The following IGFBP5 variants were observed in gnomAD, a reference collection of about 807,000 sequenced individuals.
IGFBP5 encodes the protein insulin-like growth factor-binding protein 5.
A neutral mutation model predicts 28.0 loss-of-function variants in IGFBP5; 12 were observed. That is an observed-to-expected ratio of 0.43 (90% CI 0.27 to 0.69). The LOEUF is 0.69. Among genes scored for constraint, IGFBP5 ranks in the 30% least tolerant of loss-of-function variants. IGFBP5 has a pLI of 0.20. For synonymous variants in IGFBP5, 152 were observed against 150.2 expected (o/e 1.01, Z -0.09); for missense variants, 344 against 381.6 (o/e 0.90, Z 0.82).
rs572606252 is a variant in IGFBP5, at chr2:216,692,611, C to T, written c.337+1828G>A. Among the ~76,000 whole-genome samples the T allele has an allele frequency of 6.6e-6, 1 of 152,268 alleles. No individual in the cohort carries two copies. The highest frequency in any genetic ancestry group is 1.9e-4 in the East Asian group (1 of 5,166). ...GGAAATCAATTAATGTTTTCCTTCT[C>T]CGCTAGGCTTTTCCAAATCCACATC... On this transcript the variant is annotated intron_variant, in intron 1 of 3. Coordinates refer to ENST00000233813, the MANE Select transcript of IGFBP5 (RefSeq NM_000599.4). This position sits in a 1 kb window ranked among gnomAD's most constrained non-coding sequence, Gnocchi z 4.2.
intron 1 of IGFBP5, among the ~76,000 whole-genome samples, chr2:216,690,910 GT>G (rs1215170189): frequency 2.2e-4 from 29 of 131,496 alleles, no homozygotes; most frequent in African/African-American, 8.0e-4. Flanking sequence ...GGCGGGGGCG[GT>G]GGGCGGAGGT....
chr2:216,678,801 A>T (rs779755410), intron 2 of IGFBP5, 49 bp downstream of exon 2: 48 of 1,485,342 alleles, frequency 3.2e-5, no homozygotes, highest in Non-Finnish European at 4.0e-5. Flanking sequence ...ATTTAGATGC[A>T]GGAAAAGGTC....
rs1688946363 is a variant in IGFBP5, at chr2:216,679,642, C to G, written c.338-563G>C. 6.6e-6 allele frequency among the ~76,000 whole-genome samples: 1 copy of G among 151,986 alleles called. No homozygotes were observed. On this transcript the variant is annotated intron_variant, in intron 1 of 3. Transcript: ENST00000233813. The surrounding 1 kb of genome is among the most constrained non-coding windows in gnomAD (Gnocchi z 4.6). ...TTGAGGTCTCTTTGGACCTGGGGAA[C>G]CTAGGAGGAGGGGGTCCTGGGGTCT...
rs186956983 is a variant in IGFBP5 at position 216,692,890 on chromosome 2, C to G, written c.337+1549G>C. On this transcript the variant is annotated intron_variant, in intron 1 of 3. Coordinates refer to ENST00000233813, the MANE Select transcript of IGFBP5 (RefSeq NM_000599.4). This position sits in a 1 kb window ranked among gnomAD's most constrained non-coding sequence, Gnocchi z 4.2. ...GGACTGAGGCTGAACACAGGAAGCT[C>G]TCCGGCCTCCTGGCAAGCGCGGACG... 1.5e-3 allele frequency among the ~76,000 whole-genome samples: 232 copies of G among 152,220 alleles called. No individual in the cohort carries two copies. Among genetic ancestry groups the G allele is most frequent in the African/African-American group, 5.1e-3 (212 of 41,546 alleles).
chr2:216,680,136 G>A (rs1316941689), intron 1 of IGFBP5, among the ~76,000 whole-genome samples: 4 of 152,112 alleles, frequency 2.6e-5, no homozygotes, highest in East Asian at 1.9e-4. Flanking sequence ...GTTTCCAGGC[G>A]GGCAGCGTGT....
At position 216,679,129 on chromosome 2, in the gene IGFBP5, C is replaced by A. The variant is rs78857496; in HGVS notation, c.338-50G>T. On this transcript the variant is annotated intron_variant, in intron 1 of 3. Transcript: ENST00000233813. This position sits in a 1 kb window ranked among gnomAD's most constrained non-coding sequence, Gnocchi z 4.6. ...CAGCCCCCGTGGGCCAAGGTGCACA[C>A]GGCCAGAGCCCAGGGCTGGGCAGTT... 4.7e-6 allele frequency: 7 copies of A among 1,500,178 alleles called. No individual in the cohort carries two copies. Among genetic ancestry groups the A allele is most frequent in the African/African-American group, 1.4e-5 (1 of 72,632 alleles). 92.9% of individuals were successfully genotyped at this position (1,500,178 alleles called of 1,614,324 possible). A position where few individuals can be genotyped will look rare whatever the true frequency, so the allele number is the denominator to read the frequency against.
At chr2:216,683,164 C>T (rs1688997815) in intron 1 of IGFBP5, among the ~76,000 whole-genome samples, 1 of 152,032 alleles carries the variant, frequency 6.6e-6, no homozygotes, top group African/African-American at 2.4e-5. Context: ...ACAAAAAAAA[C>T]ACAAAAATTA....
chr2:216,676,625 A>T lies in IGFBP5; in HGVS notation c.*126T>A. 1 of 599,906 alleles carries T rather than the reference A, an allele frequency of 1.7e-6. No individual in the cohort carries two copies. Among genetic ancestry groups the T allele is most frequent in the Non-Finnish European group, 2.9e-6 (1 of 348,364 alleles). 37.2% of individuals were successfully genotyped at this position (599,906 alleles called of 1,614,324 possible). On this transcript the variant is annotated 3_prime_UTR_variant, in exon 4 of 4. Coordinates refer to ENST00000233813, the MANE Select transcript of IGFBP5 (RefSeq NM_000599.4). ...ATTCCGAGGTCCTCAGTTTCCTCAA[A>T]TAGATAGATATATATTTTTCCCTTA...
chr2:216,690,670 T>G (rs1347591510), intron 1 of IGFBP5, among the ~76,000 whole-genome samples: 3 of 117,214 alleles, frequency 2.6e-5, no homozygotes, highest in African/African-American at 1.0e-4. Context: ...CGGGACTAAC[T>G]CACAGCTGCT....
Position 216,679,125 on chromosome 2 carries a change from C to T in IGFBP5, c.338-46G>A. The T allele has an allele frequency of 6.5e-7, 1 of 1,539,682 alleles. No homozygotes were observed. The highest frequency in any genetic ancestry group is 9.0e-7 in the Non-Finnish European group (1 of 1,113,528). ...GGGTCAGCCCCCGTGGGCCAAGGTG[C>T]ACACGGCCAGAGCCCAGGGCTGGGC... On this transcript the variant is annotated intron_variant, in intron 1 of 3. Transcript: ENST00000233813. The surrounding 1 kb of genome is among the most constrained non-coding windows in gnomAD (Gnocchi z 4.6).
chr2:216,682,326 G>A (rs10193497), intron 1 of IGFBP5, among the ~76,000 whole-genome samples: 1 of 152,208 alleles, frequency 6.6e-6, no homozygotes, highest in Non-Finnish European at 1.5e-5. Flanking sequence ...GCAGAGCCAT[G>A]GAGATTAAAG....
chr2:216,687,365 A>C (rs1689044166), intron 1 of IGFBP5, among the ~76,000 whole-genome samples: 1 of 152,156 alleles, frequency 6.6e-6, no homozygotes, highest in African/African-American at 2.4e-5. Flanking sequence ...ACCGCCCTCC[A>C]CAGTGTAGAT....
At position 216,676,654 on chromosome 2, in the gene IGFBP5, G is replaced by T; in HGVS notation, c.*97C>A. On this transcript the variant is annotated 3_prime_UTR_variant, in exon 4 of 4. Coordinates refer to ENST00000233813, the MANE Select transcript of IGFBP5 (RefSeq NM_000599.4). ...ATAGATATATATTTTTCCCTTAAATGAGATGAAATGAGTGGCGTCCTGGGG... is the reference window on the plus strand; with the variant it reads ...ATAGATATATATTTTTCCCTTAAATTAGATGAAATGAGTGGCGTCCTGGGG... 1 of 733,622 alleles carries T rather than the reference G, an allele frequency of 1.4e-6. No homozygotes were observed. Among genetic ancestry groups the T allele is most frequent in the Non-Finnish European group, 2.3e-6 (1 of 443,250 alleles). The allele number at this position is 733,622 out of a possible 1,614,324, so 45.4% of individuals were successfully genotyped here.
In IGFBP5 at chr2:216,676,760, G is replaced by A. The variant is rs765651866; in HGVS notation, c.810C>T (p.Asn270=). 2.4e-5 allele frequency: 39 copies of A among 1,613,212 alleles called. No homozygotes were observed. The highest frequency in any genetic ancestry group is 3.0e-5 in the Non-Finnish European group (35 of 1,179,586). Residue 270 remains asparagine, a synonymous_variant, in exon 4 of 4, where the codon AAC becomes AAT. Transcript: ENST00000233813. ...DFQCHTFDSS[N]VE ...GTTGGGGGGGGACGCATCACTCAACGTTGCTGCTGTCGAAGGTGTGGCACT... is the reference window on the plus strand; with the variant it reads ...GTTGGGGGGGGACGCATCACTCAACATTGCTGCTGTCGAAGGTGTGGCACT...
At chr2:216,689,154 T>C (rs1689064422) in intron 1 of IGFBP5, among the ~76,000 whole-genome samples, 1 of 152,200 alleles carries the variant, frequency 6.6e-6, no homozygotes, top group African/African-American at 2.4e-5. Flanking sequence ...ACGTGAGGAC[T>C]GTGCTGTTGG....
At chr2:216,682,511 A>G (rs1412335025) in intron 1 of IGFBP5, among the ~76,000 whole-genome samples, 1 of 152,144 alleles carries the variant, frequency 6.6e-6, no homozygotes. Context: ...AAATGAACTG[A>G]GGTTGCAGAA....
At chr2:216,689,107 C>G (rs1354597777) in intron 1 of IGFBP5, among the ~76,000 whole-genome samples, 1 of 152,226 alleles carries the variant, frequency 6.6e-6, no homozygotes, top group Non-Finnish European at 1.5e-5. Flanking sequence ...CCCCATCCAA[C>G]CACACCCTCT....
intron 1 of IGFBP5, among the ~76,000 whole-genome samples, chr2:216,686,805 T>C (rs1350261420): frequency 2.0e-5 from 3 of 151,540 alleles, no homozygotes; most frequent in African/African-American, 7.3e-5. Flanking sequence ...TAGCTGGGAC[T>C]AAAGGCATGC....
chr2:216,681,058 C>T (rs191715324), intron 1 of IGFBP5, among the ~76,000 whole-genome samples: 157 of 152,128 alleles, frequency 1.0e-3, no homozygotes, highest in Admixed American at 4.4e-3. Context: ...AAGGGAGAAG[C>T]ATGGCTGGTT....
Sources: allele counts gnomAD v4.1 joint callset (sites outside exome capture counted in the v4.1 genomes callset), GRCh38; gene constraint gnomAD v4.1.1; non-coding constraint Gnocchi (gnomAD v3.1); transcripts MANE v1.5; gene names NCBI Gene and HGNC (gene_info 2026-07-23, HGNC 2026-07-21).